CDH12: variants seen among roughly 807,000 people sequenced by gnomAD.
The protein encoded by CDH12 is cadherin 12.
Under a neutral mutation model 74.1 loss-of-function variants are expected in CDH12, and 41 were observed. That is an observed-to-expected ratio of 0.55 (90% CI 0.43 to 0.72). CDH12 has a LOEUF of 0.72. Among genes scored for constraint, CDH12 ranks in the 30% least tolerant of loss-of-function variants. The pLI is 0.00. For synonymous variants in CDH12, 399 were observed against 355.0 expected (o/e 1.12, Z -1.39); for missense variants, 945 against 977.2 (o/e 0.97, Z 0.44).
intron 5 of CDH12, among the ~76,000 whole-genome samples, chr5:22,029,794 C>T (rs1298408811): frequency 6.6e-6 from 1 of 151,798 alleles, no homozygotes; most frequent in African/African-American, 2.4e-5. Flanking sequence ...AATCATGCTG[C>T]TATAAAGACA....
intron 3 of CDH12, among the ~76,000 whole-genome samples, chr5:22,376,868 A>C (rs1363155711): frequency 1.3e-5 from 2 of 152,020 alleles, no homozygotes; most frequent in African/African-American, 4.8e-5. Context: ...AAGTATGTAA[A>C]ATAGTTTCTA....
chr5:22,761,954 C>A (rs1386847473), intron 1 of CDH12, among the ~76,000 whole-genome samples: 2 of 151,470 alleles, frequency 1.3e-5, no homozygotes, highest in South Asian at 4.2e-4. Context: ...CACACACACA[C>A]AATCACACAC....
intron 3 of CDH12, among the ~76,000 whole-genome samples, chr5:22,370,822 G>A (rs556601695): frequency 1.3e-5 from 2 of 152,236 alleles, no homozygotes; most frequent in South Asian, 4.1e-4. Flanking sequence ...AACCTGACCT[G>A]TTCTGCCTTC....
At chr5:22,368,458 TC>T (rs1741129563) in intron 3 of CDH12, among the ~76,000 whole-genome samples, 1 of 130,352 alleles carries the variant, frequency 7.7e-6, no homozygotes, top group Admixed American at 9.3e-5. Flanking sequence ...TACCACCAAG[TC>T]TGGCTAATTT....
intron 5 of CDH12, among the ~76,000 whole-genome samples, chr5:22,032,490 C>A (rs1482413832): frequency 1.3e-5 from 2 of 151,752 alleles, no homozygotes; most frequent in Non-Finnish European, 2.9e-5. Flanking sequence ...GCAGGTGGAT[C>A]ACCTGAGGTT....
chr5:22,422,323 T>G (rs766018305), intron 2 of CDH12, among the ~76,000 whole-genome samples: 4 of 152,210 alleles, frequency 2.6e-5, no homozygotes, highest in Admixed American at 6.5e-5. Flanking sequence ...ATAGAAGGCT[T>G]CTTCTGCATC....
chr5:22,228,027 G>T (rs904960046), intron 3 of CDH12, among the ~76,000 whole-genome samples: 3 of 152,040 alleles, frequency 2.0e-5, no homozygotes, highest in African/African-American at 4.8e-5. Context: ...TTTAATAACT[G>T]CAAACTTGGG....
chr5:22,590,750 T>C (rs1409198866), intron 1 of CDH12, among the ~76,000 whole-genome samples: 2 of 152,202 alleles, frequency 1.3e-5, no homozygotes, highest in Non-Finnish European at 2.9e-5. Context: ...TAGTATGGCA[T>C]CTCCATTTGC....
intron 3 of CDH12, among the ~76,000 whole-genome samples, chr5:22,225,194 T>G (rs1267590026): frequency 2.0e-5 from 3 of 152,100 alleles, no homozygotes; most frequent in Non-Finnish European, 2.9e-5. Context: ...TGTGACAATT[T>G]TATTGACTAT....
At chr5:22,200,783 G>C (rs1201686261) in intron 4 of CDH12, among the ~76,000 whole-genome samples, 1 of 152,182 alleles carries the variant, frequency 6.6e-6, no homozygotes, top group Non-Finnish European at 1.5e-5. Flanking sequence ...ATTTGAAGAA[G>C]ATCACTAACT....
chr5:22,235,451 G>A (rs145491900), intron 3 of CDH12, among the ~76,000 whole-genome samples: 302 of 151,936 alleles, frequency 2.0e-3, no homozygotes, highest in Middle Eastern at 0.01. Context: ...GCGTGGTGTG[G>A]GCACCTGTAG....
chr5:22,382,187 ATTATT>A (rs1473771056), intron 3 of CDH12, among the ~76,000 whole-genome samples: 3 of 145,312 alleles, frequency 2.1e-5, no homozygotes, highest in Admixed American at 7.0e-5. Context: ...TATAATATAT[ATTATT>A]TTATTAGATA....
intron 6 of CDH12, among the ~76,000 whole-genome samples, chr5:21,880,623 CTTTCTTTCTTTCTTTCT>C (rs1561268524): frequency 4.6e-4 from 27 of 58,796 alleles, no homozygotes; most frequent in East Asian, 1.1e-3. Flanking sequence ...TTCCTTCTTT[CTTTCTTTCTTTCTTTCT>C]TTCTTTCTTT....
intron 1 of CDH12, among the ~76,000 whole-genome samples, chr5:22,695,057 T>C (rs978825555): frequency 1.8e-4 from 28 of 152,128 alleles, no homozygotes; most frequent in Admixed American, 1.4e-3. Flanking sequence ...TCCTCGTTGT[T>C]CAACTCCCAC....
At chr5:22,669,499 A>T (rs1023626136) in intron 1 of CDH12, among the ~76,000 whole-genome samples, 1 of 152,160 alleles carries the variant, frequency 6.6e-6, no homozygotes, top group African/African-American at 2.4e-5. Flanking sequence ...TGCAACCAAA[A>T]GGCTACGTTT....
intron 4 of CDH12, among the ~76,000 whole-genome samples, chr5:22,084,730 G>C (rs775978740): frequency 1.3e-5 from 2 of 152,078 alleles, no homozygotes; most frequent in Admixed American, 6.6e-5. Flanking sequence ...CTCTGGCCAC[G>C]GTTGTCAGCC....
At chr5:22,002,170 T>C (rs1300755626) in intron 5 of CDH12, among the ~76,000 whole-genome samples, 1 of 152,148 alleles carries the variant, frequency 6.6e-6, no homozygotes, top group Non-Finnish European at 1.5e-5. Flanking sequence ...AAATGAAAAA[T>C]ATTCCAAACA....
At chr5:22,285,902 G>C (rs1340962201) in intron 3 of CDH12, among the ~76,000 whole-genome samples, 1 of 151,884 alleles carries the variant, frequency 6.6e-6, no homozygotes, top group Non-Finnish European at 1.5e-5. Context: ...CCTGCTTCAT[G>C]GAAATGGCAT....
At chr5:21,856,828 C>T (rs928366018) in intron 6 of CDH12, among the ~76,000 whole-genome samples, 2 of 151,828 alleles carry the variant, frequency 1.3e-5, no homozygotes, top group Non-Finnish European at 2.9e-5. Flanking sequence ...AGAATAACTG[C>T]ATTCCTATCA....
Sources: gnomAD v4.1 joint callset for allele counts (sites outside exome capture counted in the v4.1 genomes callset) on GRCh38, gnomAD v4.1.1 for gene constraint, MANE v1.5 for transcripts, NCBI Gene and HGNC (gene_info 2026-07-23, HGNC 2026-07-21) for gene names.